H2BW2: variants seen among roughly 807,000 people sequenced by gnomAD.
H2BW2 encodes histone H2B type F-M.
In H2BW2, 8 loss-of-function variants were observed where a neutral mutation model predicts 9.2. The ratio of observed to expected loss-of-function variants is 0.87; its 90% CI spans 0.51 to 1.57. The LOEUF is 1.57. H2BW2 is among the 40% of genes most tolerant of loss of function. H2BW2 has a pLI of 0.00. For missense variants in H2BW2, 193 were observed against 137.3 expected, an observed-to-expected ratio of 1.41 and a Z score of -2.03; for synonymous variants, 80 against 56.8, an observed-to-expected ratio of 1.41 and a Z score of -1.84.
intron 3 of H2BW2, 82 bp downstream of exon 3, chrX:104,041,188 C>G (rs1247869327): frequency 3.8e-6 from 1 of 265,333 alleles, no homozygotes; most frequent in Non-Finnish European, 6.7e-6. Flanking sequence ...GAGTGACCTG[C>G]AGTCTATGAG....
At chrX:104,040,674 G>T (rs1314460400) in intron 1 of H2BW2, among the ~76,000 whole-genome samples, 154 bp from the exon 2 acceptor site, 2 of 112,534 alleles carry the variant, frequency 1.8e-5, no homozygotes, top group Non-Finnish European at 3.8e-5. Flanking sequence ...AAAGTAGGGG[G>T]TGTTTCCGTA....
rs1556343690 is a variant in H2BW2, at chrX:104,040,126, C to A, written c.132C>A (p.Asn44Lys). Residue 44 changes from asparagine to lysine, a missense_variant, in exon 1 of 4, where the codon AAC (asparagine) becomes AAA (lysine). Transcript: ENST00000675318. ...GAGGCTCCCGCAGGCGCCACGCCAA[C>A]CGCCGTGGGGACAGCTTCGGGGACA... ...GCRGSRRRHANRRGDSFGDSF... is the reference protein window; with the variant it reads ...GCRGSRRRHAKRRGDSFGDSF... The A allele has an allele frequency of 1.7e-6, 2 of 1,175,448 alleles. No homozygotes were observed. The highest frequency in any genetic ancestry group is 5.0e-5 in the Admixed American group (2 of 40,310).
chrX:104,040,173 G>A lies in H2BW2; in HGVS notation c.179G>A (p.Arg60Gln), dbSNP rs1293229853. The change falls in exon 1 of 4, where the codon CGG becomes CAG. Residue 60 changes from arginine (R) to glutamine (Q), a missense_variant. Coordinates refer to ENST00000675318, the MANE Select transcript of H2BW2 (RefSeq NM_001388464.1). ...FGDSFTPYFP[R>Q]VLKQVHQGLS... The stretch of plus-strand genomic sequence containing the variant: ...GACAGCTTCACCCCCTATTTCCCCC[G>A]GGTGCTGAAGCAGGTTCACCAGGGC... The A allele has an allele frequency of 5.9e-6, 7 of 1,187,751 alleles. No homozygotes were observed. Among genetic ancestry groups the A allele is most frequent in the Non-Finnish European group, 7.9e-6 (7 of 884,236 alleles).
chrX:104,040,516 G>A, intron 1 of H2BW2, 112 bp downstream of exon 1: 1 of 745,945 alleles, frequency 1.3e-6, no homozygotes. Flanking sequence ...CCGCCAAGGG[G>A]GGGACCCCAC....
At chrX:104,040,513 G>A in intron 1 of H2BW2, 109 bp downstream of exon 1, 1 of 749,454 alleles carries the variant, frequency 1.3e-6, no homozygotes, top group Non-Finnish European at 1.9e-6. Flanking sequence ...GGCCCGCCAA[G>A]GGGGGGACCC....
Position 104,040,316 on chromosome X carries a change from T to A in H2BW2, c.322T>A (p.Ser108Thr). 8 of 1,193,964 alleles carry A rather than the reference T, an allele frequency of 6.7e-6. No homozygotes were observed. Among genetic ancestry groups the A allele is most frequent in the Non-Finnish European group, 9.0e-6 (8 of 887,123 alleles). ...AHYTKRVTITSRDIQMAVRLL... is the reference protein window; with the variant it reads ...AHYTKRVTITTRDIQMAVRLL... ...TTACACCAAGCGCGTGACCATCACC[T>A]CCCGGGACATCCAGATGGCCGTGCG... Residue 108 changes from serine to threonine, a missense_variant, in exon 1 of 4, where the codon TCC (serine) becomes ACC (threonine). Physicochemically the swap from Ser to Thr is moderately conservative, Grantham distance 58. Transcript: ENST00000675318.
In H2BW2 at chrX:104,040,354, G is replaced by T; in HGVS notation, c.360G>T (p.Pro120=). ...DIQMAVRLLL[P]GKMGKLAEAQ... Reference sequence around the variant, plus strand: ...AGATGGCCGTGCGACTGCTGCTGCCGGGGAAGATGGGCAAGCTCGCCGAGG... The same window carrying T: ...AGATGGCCGTGCGACTGCTGCTGCCTGGGAAGATGGGCAAGCTCGCCGAGG... Residue 120 remains proline (P), a synonymous_variant, in exon 1 of 4, where the codon CCG becomes CCT. Transcript: ENST00000675318. 3.4e-6 allele frequency: 4 copies of T among 1,181,678 alleles called. No individual in the cohort carries two copies. Among genetic ancestry groups the T allele is most frequent in the Non-Finnish European group, 4.5e-6 (4 of 880,483 alleles).
Position 104,039,961 on chromosome X carries a change from C to T in H2BW2, c.-34C>T, listed in dbSNP as rs781916642. ...TTCCCTGGTCCCCAACCGTCACTCT[C>T]TGTTCTTGCTATCTAATGGCCGCTG... On this transcript the variant is annotated 5_prime_UTR_variant, in exon 1 of 4. Coordinates refer to ENST00000675318, the MANE Select transcript of H2BW2 (RefSeq NM_001388464.1). The T allele has an allele frequency of 8.8e-6, 10 of 1,135,718 alleles. 1 individual carries two copies. The South Asian group carries it at 1.5e-4, about 17-fold the overall frequency. 93.6% of individuals were successfully genotyped at this position (1,135,718 alleles called of 1,213,427 possible). A position where few individuals can be genotyped will look rare whatever the true frequency, so the allele number is the denominator to read the frequency against.
Position 104,041,114 on chromosome X carries a change from T to C in H2BW2, c.*41+8T>C. 2 of 415,634 alleles carry C rather than the reference T, an allele frequency of 4.8e-6. No homozygotes were observed. The highest frequency in any genetic ancestry group is 8.4e-6 in the Non-Finnish European group (2 of 237,425). 34.3% of individuals were successfully genotyped at this position (415,634 alleles called of 1,213,427 possible). A position where few individuals can be genotyped will look rare whatever the true frequency, so the allele number is the denominator to read the frequency against. On this transcript the variant is annotated splice_region_variant and intron_variant, in intron 3 of 3. Coordinates refer to ENST00000675318, the MANE Select transcript of H2BW2 (RefSeq NM_001388464.1). ...AACCTTCCTTACTTCCAGGTGTGTGTCAGTAGGATTACGGAGTGTCCACGG... is the reference window on the plus strand; with the variant it reads ...AACCTTCCTTACTTCCAGGTGTGTGCCAGTAGGATTACGGAGTGTCCACGG...
Position 104,040,210 on chromosome X carries a change from C to A in H2BW2, c.216C>A (p.Ser72=), listed in dbSNP as rs1556343800. 1 of 1,193,080 alleles carries A rather than the reference C, an allele frequency of 8.4e-7. No individual in the cohort carries two copies. The highest frequency in any genetic ancestry group is 2.3e-5 in the Admixed American group (1 of 43,821). The change falls in exon 1 of 4, where the codon TCC becomes TCA. Residue 72 remains serine, a synonymous_variant. Coordinates refer to ENST00000675318, the MANE Select transcript of H2BW2 (RefSeq NM_001388464.1). ...AGGTTCACCAGGGCCTCAGCCTTTC[C>A]CAGGAGGCCGTGAGTGTCATGGATT... ...LKQVHQGLSL[S]QEAVSVMDSM...
rs782631051 is a variant in H2BW2 at position 104,040,301 on chromosome X, C to G, written c.307C>G (p.Arg103Gly). 35 of 1,195,346 alleles carry G rather than the reference C, an allele frequency of 2.9e-5. No individual in the cohort carries two copies. The highest frequency in any genetic ancestry group is 1.6e-5 in the Non-Finnish European group (14 of 887,709). ...EAGQLAHYTK[R>G]VTITSRDIQM... ...TGGTCAGCTGGCCCATTACACCAAG[C>G]GCGTGACCATCACCTCCCGGGACAT... The change falls in exon 1 of 4, where the codon CGC becomes GGC. Residue 103 changes from arginine to glycine, a missense_variant. Arg to Gly is a moderately radical substitution (Grantham distance 125). Transcript: ENST00000675318.
At chrX:104,040,745 A>G (rs2075200836) in intron 1 of H2BW2, 83 bp from the exon 2 acceptor site, 1 of 546,170 alleles carries the variant, frequency 1.8e-6, no homozygotes, top group South Asian at 2.5e-5. Context: ...TTTCTAGGTT[A>G]TCTTTATGAT....
rs1180032122 is a variant in H2BW2 at position 104,042,140 on chromosome X, T to A, written c.*70T>A. 4.4e-5 allele frequency: 5 copies of A among 112,607 alleles called. No homozygotes were observed. The highest frequency in any genetic ancestry group is 9.4e-5 in the Non-Finnish European group (5 of 53,358). The allele number at this position is 112,607 out of a possible 1,213,427, so 9.3% of individuals were successfully genotyped here. On this transcript the variant is annotated 3_prime_UTR_variant, in exon 4 of 4. Transcript: ENST00000675318. ...ATTAGAAAAATATTACAGAAATAGCTGAAGAGAAATGTTATGAAAATAGTT... is the reference window on the plus strand; with the variant it reads ...ATTAGAAAAATATTACAGAAATAGCAGAAGAGAAATGTTATGAAAATAGTT...
In H2BW2 at chrX:104,040,033, C is replaced by A; in HGVS notation, c.39C>A (p.Gly13=). 8.6e-7 allele frequency: 1 copy of A among 1,165,812 alleles called. No individual in the cohort carries two copies. Among genetic ancestry groups the A allele is most frequent in the South Asian group, 1.9e-5 (1 of 52,003 alleles). Residue 13 remains glycine, a synonymous_variant, in exon 1 of 4, where the codon GGC becomes GGA. Coordinates refer to ENST00000675318, the MANE Select transcript of H2BW2 (RefSeq NM_001388464.1). ...EASSETTSEE[G]QSIQEPKEAN... The stretch of plus-strand genomic sequence containing the variant: ...CCTCTGAGACAACCTCGGAGGAAGG[C>A]CAGAGCATCCAGGAGCCCAAAGAGG...
In H2BW2 at chrX:104,040,315, C is replaced by A. The variant is rs1556343911; in HGVS notation, c.321C>A (p.Thr107=). The A allele has an allele frequency of 8.4e-7, 1 of 1,196,288 alleles. No individual in the cohort carries two copies. The highest frequency in any genetic ancestry group is 3.0e-5 in the East Asian group (1 of 33,028). The part of the protein sequence containing the change: ...LAHYTKRVTI[T]SRDIQMAVRL... ...ATTACACCAAGCGCGTGACCATCAC[C>A]TCCCGGGACATCCAGATGGCCGTGC... The change falls in exon 1 of 4, where the codon ACC becomes ACA. Residue 107 remains threonine, a synonymous_variant. Transcript: ENST00000675318.
chrX:104,040,128 G>A lies in H2BW2; in HGVS notation c.134G>A (p.Arg45His), dbSNP rs200690024. The change falls in exon 1 of 4, where the codon CGC becomes CAC. Residue 45 changes from arginine (R) to histidine (H), a missense_variant. Arg to His is a conservative substitution (Grantham distance 29). Coordinates refer to ENST00000675318, the MANE Select transcript of H2BW2 (RefSeq NM_001388464.1). The stretch of plus-strand genomic sequence containing the variant: ...GGCTCCCGCAGGCGCCACGCCAACC[G>A]CCGTGGGGACAGCTTCGGGGACAGC... ...CRGSRRRHAN[R>H]RGDSFGDSFT... 1.9e-5 allele frequency: 22 copies of A among 1,174,659 alleles called. No individual in the cohort carries two copies. Among genetic ancestry groups the A allele is most frequent in the South Asian group, 1.7e-4 (9 of 52,545 alleles).
chrX:104,040,512 A>AG (rs1369232860), intron 1 of H2BW2, 108 bp downstream of exon 1: 6 of 761,105 alleles, frequency 7.9e-6, no homozygotes, highest in African/African-American at 2.2e-5. Context: ...TGGCCCGCCA[A>AG]GGGGGGGACC....
At chrX:104,041,131 T>C in intron 3 of H2BW2, 25 bp downstream of exon 3, 1 of 390,465 alleles carries the variant, frequency 2.6e-6, no homozygotes, top group Non-Finnish European at 4.5e-6. Context: ...GATTACGGAG[T>C]GTCCACGGAA....
At position 104,039,983 on chromosome X, in the gene H2BW2, G is replaced by A. The variant is rs782738353; in HGVS notation, c.-12G>A. The A allele has an allele frequency of 2.2e-5, 25 of 1,149,325 alleles. No homozygotes were observed. The South Asian group carries it at 2.4e-4, about 11-fold the overall frequency. The allele number at this position is 1,149,325 out of a possible 1,213,427, so 94.7% of individuals were successfully genotyped here. ...TCTCTGTTCTTGCTATCTAATGGCCGCTGCTTCCGCCATGGCTGAGGCTTC... is the reference window on the plus strand; with the variant it reads ...TCTCTGTTCTTGCTATCTAATGGCCACTGCTTCCGCCATGGCTGAGGCTTC... On this transcript the variant is annotated 5_prime_UTR_variant, in exon 1 of 4. Transcript: ENST00000675318.
Sources: allele counts gnomAD v4.1 joint callset (sites outside exome capture counted in the v4.1 genomes callset), GRCh38; gene constraint gnomAD v4.1.1; transcripts MANE v1.5; gene names NCBI Gene and HGNC (gene_info 2026-07-23, HGNC 2026-07-21).